The following NTRK2 variants were observed in gnomAD, a reference collection of about 807,000 sequenced individuals.
NTRK2 encodes the protein BDNF/NT-3 growth factors receptor.
A neutral mutation model predicts 94.5 loss-of-function variants in NTRK2; 13 were observed. The observed-to-expected ratio is 0.14, with a 90% CI of 0.09 to 0.22. NTRK2 has a LOEUF of 0.22. NTRK2 is among the 10% of genes least tolerant of loss of function. NTRK2 has a pLI of 1.00. For missense variants in NTRK2, 639 were observed against 1,071.2 expected (o/e 0.60, Z 5.63); for synonymous variants, 372 against 407.4 (o/e 0.91, Z 1.05).
At chr9:85,009,721 G>C (rs1451099336) in intron 17 of NTRK2, among the ~76,000 whole-genome samples, 1 of 152,060 alleles carries the variant, frequency 6.6e-6, no homozygotes, top group Non-Finnish European at 1.5e-5. Flanking sequence ...TCAAAACGAA[G>C]ATCACAATTG....
chr9:85,020,162 T>G (rs2117919958), intron 17 of NTRK2, 44 bp from the exon 18 acceptor site: 1 of 1,611,178 alleles, frequency 6.2e-7, no homozygotes, highest in Non-Finnish European at 8.5e-7. Context: ...CCACACCTGG[T>G]TTCGGGGTGA....
chr9:84,710,821 G>A, intron 6 of NTRK2, 30 bp downstream of exon 6: 1 of 1,611,760 alleles, frequency 6.2e-7, no homozygotes, highest in Admixed American at 1.7e-5. Context: ...ATGTGTTCTA[G>A]TTGCTATTAA....
At chr9:84,768,434 C>T (rs745763670) in intron 12 of NTRK2, among the ~76,000 whole-genome samples, 23 of 152,174 alleles carry the variant, frequency 1.5e-4, no homozygotes, top group Non-Finnish European at 2.8e-4. Flanking sequence ...CCCCTCCCTC[C>T]GCAGGGGTTT....
intron 12 of NTRK2, among the ~76,000 whole-genome samples, chr9:84,770,304 G>C (rs2066428694): frequency 6.6e-6 from 1 of 152,062 alleles, no homozygotes; most frequent in Non-Finnish European, 1.5e-5. Context: ...TCACCCTCTT[G>C]TCTTAAGACT....
At chr9:84,981,067 T>A (rs1827537284) in intron 17 of NTRK2, among the ~76,000 whole-genome samples, 1 of 152,204 alleles carries the variant, frequency 6.6e-6, no homozygotes, top group Non-Finnish European at 1.5e-5. Flanking sequence ...TTCTGCTTTT[T>A]GCTTTCAACA....
rs543227927 is a variant in NTRK2 at position 84,695,073 on chromosome 9, A to ACAC, written c.213-7086_213-7085insCAC. ...CCGTCTCAAAAAAAAAAAAAAAAAA[A>ACAC]ACACACAACAAAAAACTTCTATCTA... On this transcript the variant is annotated intron_variant, in intron 2 of 18. Transcript: ENST00000277120. Among the ~76,000 whole-genome samples the ACAC allele has an allele frequency of 2.7e-3, 367 of 133,852 alleles. 1 individual carries two copies. Among genetic ancestry groups the ACAC allele is most frequent in the African/African-American group, 7.5e-3 (264 of 35,430 alleles). The allele number at this position is 133,852 out of a possible 152,430, so 87.8% of individuals were successfully genotyped here. A position where few individuals can be genotyped will look rare whatever the true frequency, so the allele number is the denominator to read the frequency against.
At chr9:84,930,699 G>C (rs1441860899) in intron 14 of NTRK2, among the ~76,000 whole-genome samples, 1 of 152,174 alleles carries the variant, frequency 6.6e-6, no homozygotes, top group Non-Finnish European at 1.5e-5. Flanking sequence ...GGGTGTCCAG[G>C]GGAGCTGAAG....
At chr9:84,740,826 T>G (rs892727894) in intron 9 of NTRK2, among the ~76,000 whole-genome samples, 44 of 152,264 alleles carry the variant, frequency 2.9e-4, no homozygotes, top group Non-Finnish European at 5.9e-5. Flanking sequence ...TCATTTAGAC[T>G]AACCTTGATT....
chr9:84,725,930 T>C (rs1720391784), intron 8 of NTRK2, among the ~76,000 whole-genome samples: 1 of 152,150 alleles, frequency 6.6e-6, no homozygotes. Flanking sequence ...GGAATGTCAC[T>C]GGTAACTGGA....
chr9:84,809,251 C>T (rs1213918434), intron 12 of NTRK2, among the ~76,000 whole-genome samples: 1 of 152,052 alleles, frequency 6.6e-6, no homozygotes, highest in African/African-American at 2.4e-5. Flanking sequence ...ATTATTTACT[C>T]ATCTTTCTCC....
chr9:84,993,368 T>C (rs1416877604), intron 17 of NTRK2, among the ~76,000 whole-genome samples: 1 of 152,194 alleles, frequency 6.6e-6, no homozygotes, highest in Non-Finnish European at 1.5e-5. Context: ...ATAGCCTCTT[T>C]CCTAGCTCCC....
At chr9:84,845,086 G>T (rs762221734) in intron 12 of NTRK2, among the ~76,000 whole-genome samples, 6 of 152,104 alleles carry the variant, frequency 3.9e-5, no homozygotes, top group Admixed American at 2.6e-4. Flanking sequence ...ACTACCATTC[G>T]ATCCAGCACT....
At chr9:84,873,764 G>T in intron 14 of NTRK2, 1 of 1,056,082 alleles carries the variant, frequency 9.5e-7, no homozygotes, top group South Asian at 4.6e-5. Flanking sequence ...TGACCATTGG[G>T]TAATATTATT....
intron 17 of NTRK2, among the ~76,000 whole-genome samples, chr9:85,005,205 C>T (rs1183143107): frequency 6.6e-6 from 1 of 152,196 alleles, no homozygotes; most frequent in Non-Finnish European, 1.5e-5. Flanking sequence ...AAGAGACTCC[C>T]TCCTGAACAA....
chr9:84,932,512 TTTAAA>T (rs2078072888), intron 14 of NTRK2, among the ~76,000 whole-genome samples: 1 of 152,156 alleles, frequency 6.6e-6, no homozygotes, highest in Non-Finnish European at 1.5e-5. Context: ...TTTACTGCAG[TTTAAA>T]TTAAACTGCA....
At chr9:84,736,859 A>G (rs994263741) in intron 9 of NTRK2, among the ~76,000 whole-genome samples, 25 of 152,208 alleles carry the variant, frequency 1.6e-4, no homozygotes, top group African/African-American at 6.0e-4. Context: ...CCAGAAAGGA[A>G]ACCAGATATT....
At chr9:84,777,283 G>A (rs567358872) in intron 12 of NTRK2, among the ~76,000 whole-genome samples, 15 of 152,298 alleles carry the variant, frequency 9.8e-5, no homozygotes, top group South Asian at 4.1e-4. Context: ...ATGTGACACC[G>A]TTCAGAGAAC....
intron 13 of NTRK2, among the ~76,000 whole-genome samples, chr9:84,863,165 T>C (rs1472862576): frequency 6.6e-6 from 1 of 152,076 alleles, no homozygotes; most frequent in Non-Finnish European, 1.5e-5. Context: ...TACTAACCCT[T>C]CCCCTCACCT....
chr9:84,847,490 T>G (rs932905026), intron 12 of NTRK2, among the ~76,000 whole-genome samples: 7 of 152,160 alleles, frequency 4.6e-5, no homozygotes, highest in African/African-American at 1.7e-4. Context: ...TCTTTTCCAT[T>G]TGGGTGGCTC....
Sources: allele counts gnomAD v4.1 joint callset (sites outside exome capture counted in the v4.1 genomes callset), GRCh38; gene constraint gnomAD v4.1.1; transcripts MANE v1.5; gene names NCBI Gene and HGNC (gene_info 2026-07-23, HGNC 2026-07-21).